The following WASHC3 variants were observed in gnomAD, a reference collection of about 807,000 sequenced individuals.
WASHC3 encodes the protein WASH complex subunit CCDC53.
WASHC3 carries 24 observed loss-of-function variants against 26.1 expected under a neutral mutation model. That is an observed-to-expected ratio of 0.92 (90% CI 0.66 to 1.29). WASHC3 has a LOEUF of 1.29. Ranked by LOEUF, WASHC3 falls within the 50% of genes most tolerant of loss-of-function variation. The probability of loss-of-function intolerance (pLI) is 0.00; values close to 1 mark genes in which losing one functional copy is unlikely to be tolerated. For synonymous variants in WASHC3, 77 were observed against 75.7 expected, an observed-to-expected ratio of 1.02 and a Z score of -0.09; for missense variants, 214 against 229.6, an observed-to-expected ratio of 0.93 and a Z score of 0.44.
At chr12:102,057,674 A>G (rs1471727166) in intron 2 of WASHC3, among the ~76,000 whole-genome samples, 2 of 151,968 alleles carry the variant, frequency 1.3e-5, no homozygotes, top group Admixed American at 1.3e-4. Flanking sequence ...AATAGCTACA[A>G]AAAAAATACA....
intron 4 of WASHC3, chr12:102,040,303 T>C (rs1877889925): frequency 6.4e-6 from 1 of 157,266 alleles, no homozygotes. Flanking sequence ...GTGGTGATAC[T>C]ATTTTAACAA....
chr12:102,048,550 T>A (rs1353216515), intron 2 of WASHC3, among the ~76,000 whole-genome samples: 1 of 150,748 alleles, frequency 6.6e-6, no homozygotes, highest in African/African-American at 2.4e-5. Context: ...GGGCGACGAG[T>A]GAGACTCCGT....
chr12:102,033,862 G>C (rs1017405383), intron 5 of WASHC3, among the ~76,000 whole-genome samples: 3 of 151,944 alleles, frequency 2.0e-5, no homozygotes, highest in African/African-American at 7.2e-5. Context: ...ACAATGGATG[G>C]TAAACTACTC....
intron 2 of WASHC3, among the ~76,000 whole-genome samples, chr12:102,054,630 C>T (rs1355375574): frequency 6.6e-6 from 1 of 152,086 alleles, no homozygotes; most frequent in South Asian, 2.1e-4. Flanking sequence ...CTCAAGGGCA[C>T]ACAAAACATT....
chr12:102,047,811 C>T (rs901475218), intron 2 of WASHC3, among the ~76,000 whole-genome samples: 6 of 152,192 alleles, frequency 3.9e-5, no homozygotes, highest in African/African-American at 1.4e-4. Context: ...ATCATCAATA[C>T]TGTAAATATC....
rs55932569 is a variant in WASHC3 at position 102,061,325 on chromosome 12, T to C, written c.73A>G (p.Arg25Gly). Reference protein sequence around the residue: ...LTKVPAIQQKRTVAFLNQFVV... With the variant: ...LTKVPAIQQKGTVAFLNQFVV... Reference sequence around the variant, plus strand: ...AATTGGTTTAGAAAAGCCACCGTTCTTTTCTGTTGAATAGCTGGCACCTGT... The same window carrying C: ...AATTGGTTTAGAAAAGCCACCGTTCCTTTCTGTTGAATAGCTGGCACCTGT... Residue 25 changes from arginine to glycine, a missense_variant, in exon 2 of 7, where the codon AGA becomes GGA. By Grantham distance (125) the Arg-to-Gly change is moderately radical. Coordinates refer to ENST00000240079, the MANE Select transcript of WASHC3 (RefSeq NM_016053.4). The C allele has an allele frequency of 6.2e-7, 1 of 1,613,576 alleles. No homozygotes were observed. Among genetic ancestry groups the C allele is most frequent in the Non-Finnish European group, 8.5e-7 (1 of 1,179,518 alleles).
intron 2 of WASHC3, chr12:102,059,713 C>T (rs1220085608): frequency 1.3e-5 from 2 of 152,166 alleles, no homozygotes; most frequent in Admixed American, 1.3e-4. Flanking sequence ...ATGATAAGGG[C>T]TATGGGGATA....
In WASHC3 at chr12:102,012,970, T is replaced by G; in HGVS notation, c.*138A>C. ...CAGGTTAAAACTGCTTTATTATTATTTTTTTAACATAGAAGAAGCTTGGTA... is the reference window on the plus strand; with the variant it reads ...CAGGTTAAAACTGCTTTATTATTATGTTTTTAACATAGAAGAAGCTTGGTA... On this transcript the variant is annotated 3_prime_UTR_variant, in exon 7 of 7. Transcript: ENST00000240079. 2.0e-6 allele frequency: 1 copy of G among 509,150 alleles called. No individual in the cohort carries two copies. The highest frequency in any genetic ancestry group is 3.4e-6 in the Non-Finnish European group (1 of 290,134). The allele number at this position is 509,150 out of a possible 1,614,324, so 31.5% of individuals were successfully genotyped here.
intron 2 of WASHC3, among the ~76,000 whole-genome samples, chr12:102,058,926 G>A (rs566696571): frequency 1.3e-5 from 2 of 152,240 alleles, no homozygotes; most frequent in East Asian, 3.9e-4. Context: ...AAGACATTGT[G>A]TTAAATGAAA....
chr12:102,045,979 G>T, intron 3 of WASHC3, 75 bp downstream of exon 3: 1 of 818,384 alleles, frequency 1.2e-6, no homozygotes, highest in Non-Finnish European at 2.0e-6. Flanking sequence ...CAAATGCAAT[G>T]AAAATTAAGT....
At chr12:102,041,120 T>TAC (rs1361039690) in intron 4 of WASHC3, among the ~76,000 whole-genome samples, 3 of 151,470 alleles carry the variant, frequency 2.0e-5, no homozygotes, top group South Asian at 2.1e-4. Flanking sequence ...TATACATATA[T>TAC]ATACACACAC....
chr12:102,029,720 TAATTTA>T (rs1877351115), intron 5 of WASHC3, among the ~76,000 whole-genome samples: 1 of 140,558 alleles, frequency 7.1e-6, no homozygotes. Context: ...TTTTTCCTCT[TAATTTA>T]AGAGTGTGAA....
chr12:102,054,965 G>T (rs527555701), intron 2 of WASHC3, among the ~76,000 whole-genome samples: 1 of 152,004 alleles, frequency 6.6e-6, no homozygotes, highest in Non-Finnish European at 1.5e-5. Flanking sequence ...AAAGATGAAA[G>T]ATCCAAAGTG....
chr12:102,058,646 G>T (rs530554391), intron 2 of WASHC3, among the ~76,000 whole-genome samples: 2 of 152,018 alleles, frequency 1.3e-5, no homozygotes, highest in East Asian at 3.9e-4. Flanking sequence ...TAGTACAGAG[G>T]TTCCACAAAA....
chr12:102,055,796 A>G (rs1374232788), intron 2 of WASHC3, among the ~76,000 whole-genome samples: 4 of 152,170 alleles, frequency 2.6e-5, no homozygotes, highest in Non-Finnish European at 5.9e-5. Context: ...TTAGATGAGA[A>G]TTTTTTGTTT....
At chr12:102,015,083 G>C (rs1876641163) in intron 6 of WASHC3, among the ~76,000 whole-genome samples, 1 of 152,206 alleles carries the variant, frequency 6.6e-6, no homozygotes, top group Admixed American at 6.5e-5. Flanking sequence ...AGGGCGTTTT[G>C]CTTGAGCCCA....
chr12:102,042,638 TTA>T (rs1877986966), intron 4 of WASHC3, among the ~76,000 whole-genome samples: 5 of 152,188 alleles, frequency 3.3e-5, no homozygotes, highest in African/African-American at 1.2e-4. Flanking sequence ...GTTGTAAAGA[TTA>T]AATTAGTTTA....
At chr12:102,053,215 C>G (rs923676156) in intron 2 of WASHC3, among the ~76,000 whole-genome samples, 1 of 152,144 alleles carries the variant, frequency 6.6e-6, no homozygotes, top group East Asian at 1.9e-4. Context: ...ACTGCAGACT[C>G]AGGCTCAAGG....
At chr12:102,031,319 T>C (rs1171844554) in intron 5 of WASHC3, among the ~76,000 whole-genome samples, 2 of 152,196 alleles carry the variant, frequency 1.3e-5, no homozygotes, top group Non-Finnish European at 2.9e-5. Flanking sequence ...GGGAAAACTC[T>C]ATCCAAACCT....
Sources: gnomAD v4.1 joint callset for allele counts (sites outside exome capture counted in the v4.1 genomes callset) on GRCh38, gnomAD v4.1.1 for gene constraint, MANE v1.5 for transcripts, NCBI Gene and HGNC (gene_info 2026-07-23, HGNC 2026-07-21) for gene names.